The following SLC66A1 variants were observed in gnomAD, a reference collection of about 807,000 sequenced individuals.
SLC66A1 encodes the protein solute carrier family 66 member 1.
A neutral mutation model predicts 33.0 loss-of-function variants in SLC66A1; 23 were observed. The ratio of observed to expected loss-of-function variants is 0.70; its 90% confidence interval spans 0.50 to 0.99. The LOEUF is 0.99. Among genes scored for constraint, SLC66A1 ranks in the 50% least tolerant of loss-of-function variants. The pLI is 0.00. For synonymous variants in SLC66A1, 164 were observed against 175.5 expected (o/e 0.93, Z 0.52); for missense variants, 335 against 383.6 (o/e 0.87, Z 1.06).
Position 19,317,743 on chromosome 1 carries a change from A to C in SLC66A1, c.66A>C (p.Ile22=), listed in dbSNP as rs755982814. ...SSCPSGSIQW[I]WDVLGECAQD... is the part of the protein sequence containing the mutation. ...GCCCCAGTGGCTCCATCCAGTGGATATGGGATGTGTTGGGTGAATGTGCCC... is the reference window on the plus strand; with the variant it reads ...GCCCCAGTGGCTCCATCCAGTGGATCTGGGATGTGTTGGGTGAATGTGCCC... The change falls in exon 2 of 8, where the codon ATA becomes ATC. Residue 22 remains isoleucine, a synonymous_variant. Coordinates refer to ENST00000375153, the MANE Select transcript of SLC66A1 (RefSeq NM_001040125.2). The C allele has an allele frequency of 6.2e-7, 1 of 1,614,012 alleles. No individual in the cohort carries two copies. Among genetic ancestry groups the C allele is most frequent in the African/African-American group, 1.3e-5 (1 of 74,924 alleles).
Position 19,326,335 on chromosome 1 carries a change from CT to C in SLC66A1, c.474del (p.Arg159GlyfsTer65). 1 of 1,606,752 alleles carries C rather than the reference CT, an allele frequency of 6.2e-7. No individual in the cohort carries two copies. The highest frequency in any genetic ancestry group is 8.5e-7 in the Non-Finnish European group (1 of 1,179,664). Reference protein sequence around the residue: ...LLSAAGPVAAPREAFRGRALL... With the variant: ...LLSAAGPVAAXREAFRGRALL... Reference sequence around the variant, plus strand: ...AGTGCTGCTGGGCCCGTGGCTGCCCCTAGGGAAGCCTTCCGGGGGCGGGCGC... The same window carrying C: ...AGTGCTGCTGGGCCCGTGGCTGCCCCAGGGAAGCCTTCCGGGGGCGGGCGC... On this transcript the variant is annotated frameshift_variant, in exon 5 of 8. Transcript: ENST00000375153. LOFTEE classifies it high-confidence loss of function.
chr1:19,326,525 C>T lies in SLC66A1; in HGVS notation c.526-6C>T. On this transcript the variant is annotated splice_polypyrimidine_tract_variant and splice_region_variant and intron_variant, in intron 5 of 7. Transcript: ENST00000375153. ...GAGACACCAAGTGCCCCCTTCTGCC[C>T]CACAGCCCTTCACCCGGCAGGAAGT... 6.2e-7 allele frequency: 1 copy of T among 1,614,242 alleles called. No homozygotes were observed.
chr1:19,319,605 GTT>G (rs569177720), intron 2 of SLC66A1, among the ~76,000 whole-genome samples: 4 of 111,836 alleles, frequency 3.6e-5, no homozygotes, highest in Non-Finnish European at 3.4e-5. Context: ...GCACATTCAT[GTT>G]TTTTTTTTTT....
intron 1 of SLC66A1, among the ~76,000 whole-genome samples, chr1:19,314,055 G>A (rs2093792468): frequency 6.6e-6 from 1 of 152,220 alleles, no homozygotes; most frequent in African/African-American, 2.4e-5. Context: ...TCCCATCCCT[G>A]CAGGTGAGGT....
At chr1:19,317,558 G>T in intron 1 of SLC66A1, 42 bp from the exon 2 acceptor site, 2 of 1,499,374 alleles carry the variant, frequency 1.3e-6, no homozygotes. Flanking sequence ...AATAGGACCT[G>T]GACCTCCCAG....
chr1:19,326,236 T>C lies in SLC66A1; in HGVS notation c.383-9T>C. 1.3e-6 allele frequency: 2 copies of C among 1,596,808 alleles called. No homozygotes were observed. Among genetic ancestry groups the C allele is most frequent in the Non-Finnish European group, 1.7e-6 (2 of 1,175,292 alleles). ...ATCTAACCTCAGCTTCCCCCTGCCT[T>C]GTGTGCAGTGTCTGCCCCCATCAAC... On this transcript the variant is annotated splice_polypyrimidine_tract_variant and intron_variant, in intron 4 of 7. Coordinates refer to ENST00000375153, the MANE Select transcript of SLC66A1 (RefSeq NM_001040125.2).
rs1480811522 is a variant in SLC66A1, at chr1:19,326,553, T to C, written c.548T>C (p.Ile183Thr). The C allele has an allele frequency of 1.9e-6, 3 of 1,614,108 alleles. No homozygotes were observed. In the African/African-American group the frequency reaches 4.0e-5, roughly 22 times the overall value. ...GSKPFTRQEV[I>T]GFVIGSISSV... is the part of the protein sequence containing the mutation. The stretch of plus-strand genomic sequence containing the variant: ...CAGCCCTTCACCCGGCAGGAAGTCA[T>C]TGGCTTCGTCATCGGCTCCATCTCC... The change falls in exon 6 of 8, where the codon ATT (isoleucine) becomes ACT (threonine). Residue 183 changes from isoleucine to threonine, a missense_variant. By Grantham distance (89) the Ile-to-Thr change is moderately conservative. Coordinates refer to ENST00000375153, the MANE Select transcript of SLC66A1 (RefSeq NM_001040125.2).
chr1:19,318,117 A>C (rs1382930077), intron 2 of SLC66A1, among the ~76,000 whole-genome samples: 1 of 152,188 alleles, frequency 6.6e-6, no homozygotes, highest in Non-Finnish European at 1.5e-5. Flanking sequence ...TTTCTACCTC[A>C]TTTAATCCTC....
At chr1:19,327,140 G>T (rs2152015410) in intron 6 of SLC66A1, 87 bp from the exon 7 acceptor site, 1 of 1,317,816 alleles carries the variant, frequency 7.6e-7, no homozygotes, top group African/African-American at 1.4e-5. Context: ...GTGCACTGTG[G>T]TGGGGCAGGT....
intron 2 of SLC66A1, among the ~76,000 whole-genome samples, chr1:19,320,346 A>C (rs553789118): frequency 6.7e-6 from 1 of 149,360 alleles, no homozygotes; most frequent in Admixed American, 6.7e-5. Flanking sequence ...GCATCATTTT[A>C]CTTTCCCACC....
At chr1:19,326,056 T>A (rs978451136) in intron 4 of SLC66A1, among the ~76,000 whole-genome samples, 189 bp from the exon 5 acceptor site, 7 of 152,202 alleles carry the variant, frequency 4.6e-5, no homozygotes, top group Non-Finnish European at 8.8e-5. Context: ...CGTTTCACCT[T>A]TATAACTCTA....
At chr1:19,320,858 G>A (rs552732852) in intron 2 of SLC66A1, among the ~76,000 whole-genome samples, 5 of 149,300 alleles carry the variant, frequency 3.3e-5, no homozygotes, top group South Asian at 2.1e-4. Flanking sequence ...GACTACAGGC[G>A]CCTCCCACCA....
In SLC66A1 at chr1:19,316,226, C is replaced by G. The variant is rs975407836; in HGVS notation, c.-78-1374C>G. On this transcript the variant is annotated intron_variant, in intron 1 of 7. Transcript: ENST00000375153. ...TGCTGTTAGGCATCCCCCCCACACT[C>G]TGTGAGCTCCTGGGAGAATACAGGC... Among the ~76,000 whole-genome samples the G allele has an allele frequency of 1.9e-4, 29 of 152,228 alleles. 2 individuals carry two copies. Among genetic ancestry groups the G allele is most frequent in the Admixed American group, 1.9e-3 (29 of 15,288 alleles).
rs757816484 is a variant in SLC66A1, at chr1:19,328,726, C to T, written c.*83C>T. On this transcript the variant is annotated 3_prime_UTR_variant, in exon 8 of 8. Transcript: ENST00000375153. The surrounding 1 kb of genome is among the most constrained non-coding windows in gnomAD (Gnocchi z 4.7). ...GGAGGTGTGGACAGTGATGGTACGG[C>T]GGCCCTGCATCAGCCTGCGGGTGGC... 1.7e-5 allele frequency: 25 copies of T among 1,463,296 alleles called. No homozygotes were observed. Among genetic ancestry groups the T allele is most frequent in the South Asian group, 3.6e-5 (3 of 83,692 alleles). 90.6% of individuals were successfully genotyped at this position (1,463,296 alleles called of 1,614,324 possible). A position where few individuals can be genotyped will look rare whatever the true frequency, so the allele number is the denominator to read the frequency against.
chr1:19,331,202 G>A (rs2152020143), downstream of SLC66A1, among the ~76,000 whole-genome samples: 1 of 152,270 alleles, frequency 6.6e-6, no homozygotes, highest in Admixed American at 6.5e-5. Flanking sequence ...AGTAGAGACG[G>A]GGTTTCACCA....
At chr1:19,326,198 C>T (rs1243007585) in intron 4 of SLC66A1, 47 bp from the exon 5 acceptor site, 3 of 1,561,632 alleles carry the variant, frequency 1.9e-6, no homozygotes, top group Non-Finnish European at 1.7e-6. Flanking sequence ...CCGACAACCG[C>T]TGCCACTCAG....
chr1:19,320,836 C>G (rs2152005036), intron 2 of SLC66A1, among the ~76,000 whole-genome samples: 1 of 149,766 alleles, frequency 6.7e-6, no homozygotes, highest in Admixed American at 6.6e-5. Flanking sequence ...CCTCAGCCTC[C>G]TGAGGAGCTG....
rs781398678 is a variant in SLC66A1 at position 19,327,181 on chromosome 1, CAA to C, written c.619-45_619-44del. On this transcript the variant is annotated intron_variant, in intron 6 of 7. Coordinates refer to ENST00000375153, the MANE Select transcript of SLC66A1 (RefSeq NM_001040125.2). Reference sequence around the variant, plus strand: ...TGTGGACAGTTACAATCCAGAGTGACAAGAGGCCTGTTCGAGGTCTCTGACCT... The same window carrying C: ...TGTGGACAGTTACAATCCAGAGTGACGAGGCCTGTTCGAGGTCTCTGACCT... 8.5e-6 allele frequency: 13 copies of C among 1,522,354 alleles called. No individual in the cohort carries two copies. In the African/African-American group the frequency reaches 1.8e-4, roughly 21 times the overall value. 94.3% of individuals were successfully genotyped at this position (1,522,354 alleles called of 1,614,324 possible). A position where few individuals can be genotyped will look rare whatever the true frequency, so the allele number is the denominator to read the frequency against.
chr1:19,315,099 G>T (rs139386287), intron 1 of SLC66A1, among the ~76,000 whole-genome samples: 2 of 152,144 alleles, frequency 1.3e-5, no homozygotes, highest in African/African-American at 2.4e-5. Context: ...GATAGAGATG[G>T]TGTTTCACCA....
Sources: allele counts gnomAD v4.1 joint callset (sites outside exome capture counted in the v4.1 genomes callset), GRCh38; gene constraint gnomAD v4.1.1; non-coding constraint Gnocchi (gnomAD v3.1); transcripts MANE v1.5; gene names NCBI Gene and HGNC (gene_info 2026-07-23, HGNC 2026-07-21).